NELL1: variants seen among roughly 807,000 people sequenced by gnomAD.
The protein encoded by NELL1 is neural EGFL like 1.
In NELL1, 76 loss-of-function variants were observed where a neutral mutation model predicts 107.4. That is an observed-to-expected ratio of 0.71 (90% CI 0.59 to 0.86). The LOEUF (loss-of-function observed/expected upper bound fraction) is 0.86. NELL1 is among the 40% of genes least tolerant of loss of function. The pLI, the probability that NELL1 is intolerant of heterozygous loss-of-function variation, is 0.00. For synonymous variants in NELL1, 353 were observed against 341.2 expected, an observed-to-expected ratio of 1.03 and a Z score of -0.38; for missense variants, 1,024 against 1,005.5, an observed-to-expected ratio of 1.02 and a Z score of -0.25.
At chr11:20,989,792 A>G (rs1466734512) in intron 12 of NELL1, among the ~76,000 whole-genome samples, 2 of 152,036 alleles carry the variant, frequency 1.3e-5, no homozygotes, top group Non-Finnish European at 2.9e-5. Context: ...GGAGATGGAG[A>G]CCATCCTGGC....
At chr11:21,119,023 T>C (rs1309508240) in intron 13 of NELL1, among the ~76,000 whole-genome samples, 1 of 152,082 alleles carries the variant, frequency 6.6e-6, no homozygotes, top group Admixed American at 6.6e-5. Context: ...GTCACCAAGA[T>C]TATTAAAAAA....
intron 2 of NELL1, among the ~76,000 whole-genome samples, chr11:20,739,926 C>T (rs759795953): frequency 9.8e-5 from 15 of 152,292 alleles, no homozygotes; most frequent in East Asian, 7.7e-4. Flanking sequence ...TACCCTCAAG[C>T]GCCATCGTTA....
intron 3 of NELL1, among the ~76,000 whole-genome samples, chr11:20,793,824 G>A (rs1479769512): frequency 1.4e-5 from 2 of 143,044 alleles, no homozygotes; most frequent in Non-Finnish European, 3.1e-5. Context: ...CATAAAATAT[G>A]TGCGTCAGAT....
intron 13 of NELL1, among the ~76,000 whole-genome samples, chr11:21,122,112 A>G (rs1023411689): frequency 7.9e-5 from 12 of 152,184 alleles, no homozygotes; most frequent in African/African-American, 2.9e-4. Flanking sequence ...AAAGGACCTG[A>G]ACCACTTTGG....
intron 3 of NELL1, among the ~76,000 whole-genome samples, chr11:20,844,191 T>C (rs1192808613): frequency 6.6e-6 from 1 of 152,112 alleles, no homozygotes; most frequent in Non-Finnish European, 1.5e-5. Context: ...CATTTGACCA[T>C]GCCTAGCGCA....
intron 2 of NELL1, among the ~76,000 whole-genome samples, chr11:20,681,318 C>T (rs910197185): frequency 2.8e-4 from 42 of 152,110 alleles, no homozygotes; most frequent in African/African-American, 8.9e-4. Flanking sequence ...ATCTCCTCAC[C>T]TAAATATCCA....
intron 13 of NELL1, among the ~76,000 whole-genome samples, chr11:21,120,619 C>A (rs774690942): frequency 6.6e-6 from 1 of 152,060 alleles, no homozygotes; most frequent in Admixed American, 6.6e-5. Context: ...AGAGGTGATA[C>A]ATTTATAAGA....
chr11:21,223,645 T>C (rs1857818212), intron 13 of NELL1, among the ~76,000 whole-genome samples: 1 of 152,196 alleles, frequency 6.6e-6, no homozygotes, highest in African/African-American at 2.4e-5. Flanking sequence ...TTTGCTCCTT[T>C]CTTCTTCTCT....
At chr11:21,117,624 C>T (rs534098822) in intron 13 of NELL1, among the ~76,000 whole-genome samples, 1 of 152,072 alleles carries the variant, frequency 6.6e-6, no homozygotes, top group South Asian at 2.1e-4. Context: ...TCAGAACATT[C>T]TATTGGATGT....
chr11:21,014,515 C>T lies in NELL1; in HGVS notation c.1300+53955C>T, dbSNP rs77610513. Among the ~76,000 whole-genome samples the T allele has an allele frequency of 3.0e-3, 455 of 152,174 alleles. 3 individuals carry two copies. The highest frequency in any genetic ancestry group is 0.013 in the East Asian group (67 of 5,156). ...TCCTAACCAAAACTAGGTTACAAAA[C>T]GAATATAGGTTTCATATTCACAGGG... is the stretch of plus-strand genomic sequence containing the variant. On this transcript the variant is annotated intron_variant, in intron 12 of 19. Transcript: ENST00000357134.
chr11:20,929,344 A>G (rs1341288289), intron 9 of NELL1, among the ~76,000 whole-genome samples: 1 of 152,172 alleles, frequency 6.6e-6, no homozygotes, highest in Non-Finnish European at 1.5e-5. Flanking sequence ...CATGTCACCT[A>G]TTATGACACT....
At chr11:20,904,374 C>T (rs995038997) in intron 5 of NELL1, among the ~76,000 whole-genome samples, 4 of 151,920 alleles carry the variant, frequency 2.6e-5, no homozygotes, top group Admixed American at 1.3e-4. Flanking sequence ...ATTGTATGCA[C>T]GTACCAAATA....
intron 4 of NELL1, among the ~76,000 whole-genome samples, chr11:20,849,545 A>G (rs987229543): frequency 1.3e-5 from 2 of 152,172 alleles, no homozygotes; most frequent in African/African-American, 4.8e-5. Flanking sequence ...TATTCTTTAG[A>G]GTCATTGCCA....
chr11:21,186,342 G>A (rs975735538), intron 13 of NELL1, among the ~76,000 whole-genome samples: 1 of 151,744 alleles, frequency 6.6e-6, no homozygotes, highest in Non-Finnish European at 1.5e-5. Flanking sequence ...ATGCTGGATG[G>A]CCAAAAAATG....
intron 14 of NELL1, among the ~76,000 whole-genome samples, chr11:21,325,215 G>A (rs1175742238): frequency 2.0e-5 from 3 of 151,964 alleles, no homozygotes; most frequent in African/African-American, 7.2e-5. Context: ...CTTATATCGT[G>A]TTTTGTCAGA....
intron 2 of NELL1, among the ~76,000 whole-genome samples, chr11:20,753,566 C>CCTT (rs144996782): frequency 0.019 from 2,826 of 152,244 alleles, 86 homozygotes; most frequent in African/African-American, 0.064. Context: ...GTGCCGGTCT[C>CCTT]CTTCATTAGG....
intron 15 of NELL1, among the ~76,000 whole-genome samples, chr11:21,461,020 A>G (rs1853888308): frequency 6.6e-6 from 1 of 152,102 alleles, no homozygotes; most frequent in African/African-American, 2.4e-5. Context: ...ATTGGTAAAC[A>G]TCTTCAGTAA....
chr11:21,163,744 T>C (rs576423413), intron 13 of NELL1, among the ~76,000 whole-genome samples: 1 of 152,254 alleles, frequency 6.6e-6, no homozygotes, highest in Non-Finnish European at 1.5e-5. Context: ...TGTCCTCAGA[T>C]GTTAGAAGTT....
intron 14 of NELL1, among the ~76,000 whole-genome samples, chr11:21,236,531 A>T (rs1181843487): frequency 6.6e-6 from 1 of 152,178 alleles, no homozygotes; most frequent in Non-Finnish European, 1.5e-5. Context: ...AAGTTCAAAG[A>T]CATTGTCTGT....
Sources: allele counts gnomAD v4.1 joint callset (sites outside exome capture counted in the v4.1 genomes callset), GRCh38; gene constraint gnomAD v4.1.1; transcripts MANE v1.5; gene names NCBI Gene and HGNC (gene_info 2026-07-23, HGNC 2026-07-21).